Variants in CIT observed in about 807,000 individuals in gnomAD.
CIT encodes citron rho-interacting serine/threonine kinase, also known as citron Rho-interacting kinase.
Under a neutral mutation model 272.7 loss-of-function variants are expected in CIT, and 79 were observed. The ratio of observed to expected loss-of-function variants is 0.29; its 90% CI spans 0.24 to 0.35. The LOEUF (loss-of-function observed/expected upper bound fraction) is 0.35. Ranked by LOEUF, CIT falls within the 10% of genes least tolerant of loss-of-function variation. The pLI, the probability that CIT is intolerant of heterozygous loss-of-function variation, is 1.00. For synonymous variants in CIT, 948 were observed against 995.6 expected (o/e 0.95, Z 0.90); for missense variants, 1,909 against 2,618.3 (o/e 0.73, Z 5.91).
At chr12:119,716,214 CTAAAAA>C (rs1957464158) in intron 32 of CIT, among the ~76,000 whole-genome samples, 1 of 151,574 alleles carries the variant, frequency 6.6e-6, no homozygotes, top group East Asian at 1.9e-4. Context: ...CCTATCTCTA[CTAAAAA>C]TAAAAATATT....
chr12:119,850,379 A>AT, intron 4 of CIT, 104 bp from the exon 5 acceptor site: 1 of 628,796 alleles, frequency 1.6e-6, no homozygotes. Context: ...TAGCTTTAAA[A>AT]AAAAAAAAAG....
At chr12:119,865,802 G>A (rs865780776) in intron 3 of CIT, among the ~76,000 whole-genome samples, 2 of 150,700 alleles carry the variant, frequency 1.3e-5, no homozygotes, top group Non-Finnish European at 2.9e-5. Context: ...CCCGGGATGC[G>A]GAGGTTGCAG....
chr12:119,797,075 A>G (rs533939569), intron 10 of CIT, among the ~76,000 whole-genome samples: 1 of 152,352 alleles, frequency 6.6e-6, no homozygotes, highest in South Asian at 2.1e-4. Flanking sequence ...AAAAAGAACT[A>G]GGAGAAATTC....
intron 3 of CIT, 84 bp from the exon 4 acceptor site, chr12:119,857,782 T>G: frequency 8.1e-7 from 1 of 1,234,490 alleles, no homozygotes; most frequent in Non-Finnish European, 1.1e-6. Flanking sequence ...AAAAAGAAAA[T>G]AGCATTCGGA....
chr12:119,872,158 G>C (rs1444898369), intron 2 of CIT, among the ~76,000 whole-genome samples: 1 of 151,950 alleles, frequency 6.6e-6, no homozygotes, highest in Non-Finnish European at 1.5e-5. Flanking sequence ...TTCCTGTCTT[G>C]TTGTTTCTTA....
intron 5 of CIT, among the ~76,000 whole-genome samples, chr12:119,845,042 C>T (rs920304017): frequency 3.3e-5 from 5 of 151,950 alleles, no homozygotes; most frequent in African/African-American, 9.7e-5. Context: ...ATCACTTGAA[C>T]CCAGGAGGTG....
At chr12:119,811,851 C>T (rs1370203088) in intron 9 of CIT, among the ~76,000 whole-genome samples, 1 of 151,978 alleles carries the variant, frequency 6.6e-6, no homozygotes, top group African/African-American at 2.4e-5. Flanking sequence ...AGAAGAGGAA[C>T]GTTTCAAATT....
chr12:119,698,589 C>CA (rs3858709), intron 44 of CIT, among the ~76,000 whole-genome samples: 4,464 of 133,176 alleles, frequency 0.034, 228 homozygotes, highest in African/African-American at 0.12. Context: ...GACTCTGTCT[C>CA]AAAAAAAAAA....
chr12:119,812,834 C>T (rs1343756112), intron 9 of CIT, among the ~76,000 whole-genome samples: 5 of 151,648 alleles, frequency 3.3e-5, no homozygotes, highest in Non-Finnish European at 7.4e-5. Context: ...TCTACTCACT[C>T]CTCCAATAAA....
In CIT at chr12:119,832,762, AT is replaced by A. The variant is rs771292782; in HGVS notation, c.753+8del. The A allele has an allele frequency of 1.4e-3, 2,323 of 1,607,672 alleles. 3 individuals are homozygous for A. The highest frequency in any genetic ancestry group is 1.7e-3 in the Non-Finnish European group (1,986 of 1,174,240). On this transcript the variant is annotated splice_region_variant and intron_variant, in intron 7 of 47. Coordinates refer to ENST00000392521, the MANE Select transcript of CIT (RefSeq NM_001206999.2). Reference sequence around the variant, plus strand: ...AAACTCTATTAAGCTATCTTATTCCATTTTTTACCATCTTGTTTGAATTCAT... The same window carrying A: ...AAACTCTATTAAGCTATCTTATTCCATTTTTACCATCTTGTTTGAATTCAT...
In CIT at chr12:119,876,109, A is replaced by C. The variant is rs1950836108; in HGVS notation, c.60T>G (p.Ile20Met). 1 of 1,613,810 alleles carries C rather than the reference A, an allele frequency of 6.2e-7. No homozygotes were observed. The highest frequency in any genetic ancestry group is 1.3e-5 in the African/African-American group (1 of 74,912). Reference protein sequence around the residue: ...NPLDAGAAEPIASRASRLNLF... With the variant: ...NPLDAGAAEPMASRASRLNLF... ...GATTCAGCCTGGAGGCCCGGCTGGC[A>C]ATGGGTTCAGCAGCACCAGCATCCA... Residue 20 changes from isoleucine (I) to methionine (M), a missense_variant, in exon 2 of 48, where the codon ATT (isoleucine) becomes ATG (methionine). Physicochemically the swap from Ile to Met is conservative, Grantham distance 10. This residue lies in a region of CIT where 529 missense variants were observed against 549.6 expected (regional missense o/e 0.96). Coordinates refer to ENST00000392521, the MANE Select transcript of CIT (RefSeq NM_001206999.2).
In CIT at chr12:119,819,376, G is replaced by A. The variant is rs562527444; in HGVS notation, c.1111+3444C>T. On this transcript the variant is annotated intron_variant, in intron 9 of 47. Transcript: ENST00000392521. The stretch of plus-strand genomic sequence containing the variant: ...GGACCCAGGAGTGTACAGAAGCTAC[G>A]CCTGACCTCAGTGTCAAAGCAAAGG... Among the ~76,000 whole-genome samples the A allele has an allele frequency of 4.6e-5, 7 of 152,220 alleles. No individual in the cohort carries two copies. In the South Asian group the frequency reaches 1.5e-3, roughly 32 times the overall value.
At chr12:119,845,460 C>G (rs958811074) in intron 5 of CIT, among the ~76,000 whole-genome samples, 5 of 151,660 alleles carry the variant, frequency 3.3e-5, no homozygotes, top group Non-Finnish European at 7.4e-5. Flanking sequence ...AGAAACCAGC[C>G]TGGCCAACAT....
Position 119,718,480 on chromosome 12 carries a change from C to T in CIT, c.4004-71G>A. ...AGAGGACCAAACTAAGCCGAATGTC[C>T]CTGGGCTATCTTTCAAGGACCCAAG... is the stretch of plus-strand genomic sequence containing the variant. On this transcript the variant is annotated intron_variant, in intron 31 of 47. Coordinates refer to ENST00000392521, the MANE Select transcript of CIT (RefSeq NM_001206999.2). This position sits in a 1 kb window ranked among gnomAD's most constrained non-coding sequence, Gnocchi z 4.8. 6.5e-7 allele frequency: 1 copy of T among 1,532,572 alleles called. No individual in the cohort carries two copies. Among genetic ancestry groups the T allele is most frequent in the Non-Finnish European group, 8.8e-7 (1 of 1,134,000 alleles). 94.9% of individuals were successfully genotyped at this position (1,532,572 alleles called of 1,614,324 possible).
intron 5 of CIT, among the ~76,000 whole-genome samples, chr12:119,848,659 C>T (rs1969989723): frequency 6.6e-6 from 1 of 152,182 alleles, no homozygotes; most frequent in South Asian, 2.1e-4. Context: ...AAGGCAACAG[C>T]AAGCTGGAGA....
intron 3 of CIT, among the ~76,000 whole-genome samples, chr12:119,865,491 C>A (rs1950488315): frequency 6.6e-6 from 1 of 152,152 alleles, no homozygotes; most frequent in Admixed American, 6.5e-5. Context: ...TACTGGGTAC[C>A]ATTTATTGTC....
chr12:119,727,358 AAG>A (rs1817772770), intron 28 of CIT, among the ~76,000 whole-genome samples: 2 of 152,210 alleles, frequency 1.3e-5, no homozygotes, highest in Non-Finnish European at 2.9e-5. Flanking sequence ...CTAGAACGGA[AAG>A]CTAACTACTG....
In CIT at chr12:119,869,192, G is replaced by A. The variant is rs1286671416; in HGVS notation, c.106C>T (p.Pro36Ser). The change falls in exon 3 of 48, where the codon CCC (proline) becomes TCC (serine). Residue 36 changes from proline to serine, a missense_variant. This residue lies in a region of CIT where 529 missense variants were observed against 549.6 expected (regional missense o/e 0.96). Transcript: ENST00000392521. ...RLNLFFQGKP[P>S]FMTQQQMSPL... ...GACATCTGCTGTTGAGTCATAAAGG[G>A]TGGTTTCCCCTAAAAACAGCAAACA... The A allele has an allele frequency of 6.3e-7, 1 of 1,596,272 alleles. No homozygotes were observed. Among genetic ancestry groups the A allele is most frequent in the Non-Finnish European group, 8.5e-7 (1 of 1,175,764 alleles).
chr12:119,742,651 G>C (rs1959114911), intron 23 of CIT, 187 bp from the exon 24 acceptor site: 1 of 518,838 alleles, frequency 1.9e-6, no homozygotes, highest in Non-Finnish European at 3.4e-6. Context: ...AATACACAAT[G>C]CTGTGTTAAT....
Sources: allele counts gnomAD v4.1 joint callset (sites outside exome capture counted in the v4.1 genomes callset), GRCh38; gene constraint gnomAD v4.1.1; regional missense constraint gnomAD v4.1.1; non-coding constraint Gnocchi (gnomAD v3.1); transcripts MANE v1.5; gene names NCBI Gene and HGNC (gene_info 2026-07-23, HGNC 2026-07-21).